The following DIAPH2 variants were observed in gnomAD, a reference collection of about 807,000 sequenced individuals.
The protein encoded by DIAPH2 is diaphanous related formin 2.
In DIAPH2, 35 loss-of-function variants were observed where a neutral mutation model predicts 92.7. The ratio of observed to expected loss-of-function variants is 0.38; its 90% CI spans 0.29 to 0.50. The LOEUF is 0.50. Ranked by LOEUF, DIAPH2 falls within the 20% of genes least tolerant of loss-of-function variation. The pLI, the probability that DIAPH2 is intolerant of heterozygous loss-of-function variation, is 0.94. For synonymous variants in DIAPH2, 301 were observed against 280.4 expected, an observed-to-expected ratio of 1.07 and a Z score of -0.73; for missense variants, 701 against 819.5, an observed-to-expected ratio of 0.86 and a Z score of 1.77.
chrX:97,003,472 G>A (rs887584825), intron 17 of DIAPH2, among the ~76,000 whole-genome samples: 2 of 111,804 alleles, frequency 1.8e-5, no homozygotes, highest in Non-Finnish European at 3.8e-5. Context: ...ATTTGTTATT[G>A]CCTGTCTTTC....
intron 19 of DIAPH2, among the ~76,000 whole-genome samples, chrX:97,084,451 C>T (rs1168565390): frequency 1.8e-5 from 2 of 110,849 alleles, no homozygotes; most frequent in Non-Finnish European, 3.8e-5. Flanking sequence ...ATAGTCAGCC[C>T]TCAGTTTTCT....
chrX:97,115,396 C>T (rs1019158036), intron 21 of DIAPH2, among the ~76,000 whole-genome samples: 2 of 109,981 alleles, frequency 1.8e-5, no homozygotes, highest in African/African-American at 3.3e-5. Context: ...ATTAGTGGGG[C>T]GCGGTGACGG....
intron 17 of DIAPH2, among the ~76,000 whole-genome samples, chrX:97,006,635 G>A (rs180692160): frequency 9.0e-6 from 1 of 111,597 alleles, no homozygotes; most frequent in East Asian, 2.8e-4. Context: ...TTTTCTATGT[G>A]TGTCTTTATA....
chrX:97,422,808 A>G (rs1417012829), intron 25 of DIAPH2, among the ~76,000 whole-genome samples: 2 of 111,834 alleles, frequency 1.8e-5, no homozygotes, highest in Admixed American at 1.9e-4. Flanking sequence ...TGTTTGATAA[A>G]AAGGAAGGAG....
At chrX:96,766,399 G>A (rs2064304241) in intron 4 of DIAPH2, among the ~76,000 whole-genome samples, 1 of 110,848 alleles carries the variant, frequency 9.0e-6, no homozygotes, top group Non-Finnish European at 1.9e-5. Flanking sequence ...AGCTTCTAGA[G>A]GAAATGATTA....
chrX:97,558,927 T>C (rs190045562), intron 26 of DIAPH2, among the ~76,000 whole-genome samples: 32 of 111,704 alleles, frequency 2.9e-4, no homozygotes, highest in Admixed American at 1.1e-3. Context: ...TTTACAATGG[T>C]GTGAAAGCAC....
chrX:97,551,611 T>A (rs1569422564), intron 26 of DIAPH2, among the ~76,000 whole-genome samples: 1 of 108,926 alleles, frequency 9.2e-6, no homozygotes, highest in Non-Finnish European at 1.9e-5. Flanking sequence ...AAAAAAAAAA[T>A]TAAAATTAAA....
intron 23 of DIAPH2, among the ~76,000 whole-genome samples, chrX:97,289,038 G>A (rs2068568757): frequency 9.0e-6 from 1 of 111,482 alleles, no homozygotes; most frequent in Non-Finnish European, 1.9e-5. Flanking sequence ...CTGCTTCTAT[G>A]GTTATTTTGA....
At chrX:97,402,207 CGTGT>C (rs10695870) in intron 25 of DIAPH2, among the ~76,000 whole-genome samples, 9 of 99,850 alleles carry the variant, frequency 9.0e-5, no homozygotes, top group South Asian at 5.1e-4. Context: ...TCATTTGCAT[CGTGT>C]GTGTGTGTGT....
chrX:97,281,289 CTCT>C (rs2068494549), intron 23 of DIAPH2, among the ~76,000 whole-genome samples: 1 of 111,550 alleles, frequency 9.0e-6, no homozygotes, highest in African/African-American at 3.3e-5. Flanking sequence ...TAGATTAAAA[CTCT>C]TCTTATTTAC....
chrX:96,747,670 T>C (rs1458848607), intron 3 of DIAPH2, among the ~76,000 whole-genome samples: 1 of 112,161 alleles, frequency 8.9e-6, no homozygotes, highest in Non-Finnish European at 1.9e-5. Flanking sequence ...CACCAGGTGT[T>C]ATACATTAAC....
At chrX:97,223,843 G>A (rs2067944763) in intron 22 of DIAPH2, among the ~76,000 whole-genome samples, 1 of 111,729 alleles carries the variant, frequency 9.0e-6, no homozygotes, top group African/African-American at 3.2e-5. Context: ...CAGCAATTAT[G>A]TATTTCTGAG....
At chrX:97,362,012 G>T (rs1261502496) in intron 24 of DIAPH2, among the ~76,000 whole-genome samples, 1 of 111,729 alleles carries the variant, frequency 9.0e-6, no homozygotes, top group Non-Finnish European at 1.9e-5. Context: ...AGGCCAAGGC[G>T]GGTGGATCAC....
intron 22 of DIAPH2, among the ~76,000 whole-genome samples, chrX:97,234,337 A>G (rs1231328652): frequency 9.4e-6 from 1 of 106,256 alleles, no homozygotes; most frequent in Non-Finnish European, 1.9e-5. Flanking sequence ...ATCTCAAAAA[A>G]AAAAAAAAAA....
In DIAPH2 at chrX:97,577,567, G is replaced by A. The variant is rs766818477; in HGVS notation, c.3242-21686G>A. Among the ~76,000 whole-genome samples, 141 of 111,710 alleles carry A rather than the reference G, an allele frequency of 1.3e-3. 1 individual carries two copies. Among genetic ancestry groups the A allele is most frequent in the African/African-American group, 4.4e-3 (136 of 30,783 alleles). ...GGATCGGGAAGGTGGGATTTGAGTT[G>A]GGCTTTGAAGGATAAGTAGTCTTGA... On this transcript the variant is annotated intron_variant, in intron 26 of 26. Coordinates refer to ENST00000324765, the MANE Select transcript of DIAPH2 (RefSeq NM_006729.5).
At chrX:97,165,944 C>G (rs1338596874) in intron 22 of DIAPH2, among the ~76,000 whole-genome samples, 4 of 111,050 alleles carry the variant, frequency 3.6e-5, no homozygotes, top group African/African-American at 1.3e-4. Flanking sequence ...TTTTCTTTCT[C>G]TCATATTCGT....
At chrX:96,739,293 A>T (rs1365191128) in intron 3 of DIAPH2, among the ~76,000 whole-genome samples, 2 of 112,093 alleles carry the variant, frequency 1.8e-5, no homozygotes, top group Non-Finnish European at 1.9e-5. Context: ...TGCCTATATT[A>T]GATAATGAAT....
At chrX:97,348,085 T>C (rs200324758) in intron 23 of DIAPH2, 31 bp from the exon 24 acceptor site, 1,800 of 1,197,219 alleles carry the variant, frequency 1.5e-3, no homozygotes, top group Non-Finnish European at 1.6e-3. Context: ...TAAAAGGTAC[T>C]GTTGAGCCAT....
intron 1 of DIAPH2, among the ~76,000 whole-genome samples, chrX:96,703,662 T>C (rs1783230039): frequency 9.0e-6 from 1 of 111,672 alleles, no homozygotes; most frequent in African/African-American, 3.3e-5. Flanking sequence ...TTATAGTCCC[T>C]GGAATATTCC....
Sources: allele counts gnomAD v4.1 joint callset (sites outside exome capture counted in the v4.1 genomes callset), GRCh38; gene constraint gnomAD v4.1.1; transcripts MANE v1.5; gene names NCBI Gene and HGNC (gene_info 2026-07-23, HGNC 2026-07-21).